The following DNAH10 variants were observed in gnomAD, a reference collection of about 807,000 sequenced individuals.
The protein encoded by DNAH10 is axonemal beta dynein heavy chain 10.
DNAH10 carries 348 observed loss-of-function variants against 506.6 expected under a neutral mutation model. That is an observed-to-expected ratio of 0.69 (90% CI 0.63 to 0.75). DNAH10 has a LOEUF of 0.75. DNAH10 is among the 30% of genes least tolerant of loss of function. The probability of loss-of-function intolerance (pLI) is 0.00; values close to 1 mark genes in which losing one functional copy is unlikely to be tolerated. For missense variants in DNAH10, 5,179 were observed against 5,787.1 expected (o/e 0.89, Z 3.41); for synonymous variants, 2,059 against 2,198.6 (o/e 0.94, Z 1.78).
chr12:123,933,833 C>A (rs1319437308), intron 77 of DNAH10, among the ~76,000 whole-genome samples: 1 of 152,218 alleles, frequency 6.6e-6, no homozygotes, highest in East Asian at 1.9e-4. Flanking sequence ...CATCAGGTGG[C>A]TTTCTTGTAA....
At chr12:123,927,172 T>G in intron 69 of DNAH10, 1 of 247,614 alleles carries the variant, frequency 4.0e-6, no homozygotes. Flanking sequence ...GCCTCCCCAG[T>G]AGCAGCTGAG....
chr12:123,921,993 A>T (rs1175384947), intron 65 of DNAH10, among the ~76,000 whole-genome samples: 1 of 151,776 alleles, frequency 6.6e-6, no homozygotes, highest in Non-Finnish European at 1.5e-5. Flanking sequence ...AGGATTACAG[A>T]TGTGAGCCAC....
chr12:123,922,713 G>A (rs1954782074), intron 65 of DNAH10, among the ~76,000 whole-genome samples: 1 of 152,188 alleles, frequency 6.6e-6, no homozygotes, highest in South Asian at 2.1e-4. Context: ...GTAGGAGGCT[G>A]TCTTCCTGCT....
At chr12:123,825,890 G>A (rs1017715043) in intron 24 of DNAH10, among the ~76,000 whole-genome samples, 7 of 152,164 alleles carry the variant, frequency 4.6e-5, no homozygotes, top group Non-Finnish European at 8.8e-5. Context: ...GGAGGCTAAG[G>A]CAGGAGGATT....
intron 62 of DNAH10, among the ~76,000 whole-genome samples, chr12:123,915,541 C>T (rs1954438346): frequency 7.2e-6 from 1 of 139,076 alleles, no homozygotes; most frequent in Non-Finnish European, 1.5e-5. Context: ...TTCTCCCTCC[C>T]CGAGCCCCTG....
chr12:123,851,152 C>A (rs138739907), intron 35 of DNAH10, 76 bp downstream of exon 35: 66 of 1,444,140 alleles, frequency 4.6e-5, no homozygotes, highest in Middle Eastern at 1.9e-4. Context: ...GGACCTAGGA[C>A]GCGTTAGCTC....
At chr12:123,814,162 C>CT (rs927474767) in intron 21 of DNAH10, 72 of 323,828 alleles carry the variant, frequency 2.2e-4, no homozygotes, top group East Asian at 3.3e-4. Context: ...TTCTTTTCTT[C>CT]TTTTTTTTGT....
At chr12:123,869,335 G>A (rs142505961) in intron 43 of DNAH10, among the ~76,000 whole-genome samples, 70 of 151,972 alleles carry the variant, frequency 4.6e-4, no homozygotes, top group Admixed American at 1.5e-3. Flanking sequence ...TGAGACCTCC[G>A]CATGCCTTGC....
In DNAH10 at chr12:123,897,884, G is replaced by T. The variant is rs764680665; in HGVS notation, c.9395G>T (p.Ser3132Ile). 1 of 1,611,110 alleles carries T rather than the reference G, an allele frequency of 6.2e-7. No homozygotes were observed. The highest frequency in any genetic ancestry group is 8.5e-7 in the Non-Finnish European group (1 of 1,179,248). Residue 3132 changes from serine (S) to isoleucine (I), a missense_variant, in exon 55 of 79, where the codon AGC (serine) becomes ATC (isoleucine). Ser to Ile is a moderately radical substitution (Grantham distance 142, BLOSUM62 -2). Coordinates refer to ENST00000673944, the MANE Select transcript of DNAH10 (RefSeq NM_001372106.1). ...CAGTTTCTACAGAAATTGAGGCGCA[G>T]CAACTATGTCACTCCCAAGAACTAC... ...SQQFLQKLRR[S>I]NYVTPKNYLD... is the part of the protein sequence containing the mutation.
rs75558206 is a variant in DNAH10, at chr12:123,903,122, C to T, written c.9815+9C>T. Reference sequence around the variant, plus strand: ...GACGTGACTGAGATTAGGTAATGCACCTGAGCCACCATTCTGGGCTTCCAT... The same window carrying T: ...GACGTGACTGAGATTAGGTAATGCATCTGAGCCACCATTCTGGGCTTCCAT... On this transcript the variant is annotated intron_variant, in intron 57 of 78. Coordinates refer to ENST00000673944, the MANE Select transcript of DNAH10 (RefSeq NM_001372106.1). The surrounding 1 kb of genome is among the most constrained non-coding windows in gnomAD (Gnocchi z 4.6). The T allele has an allele frequency of 0.042, 66,896 of 1,600,364 alleles. 4,711 individuals carry two copies. The highest frequency in any genetic ancestry group is 0.32 in the African/African-American group (23,852 of 74,572).
chr12:123,901,691 C>T lies in DNAH10; in HGVS notation c.9641-1248C>T, dbSNP rs185256311. On this transcript the variant is annotated intron_variant, in intron 56 of 78. Coordinates refer to ENST00000673944, the MANE Select transcript of DNAH10 (RefSeq NM_001372106.1). ...AATTTATTTTTTTGAGACAGAGTCT[C>T]GCTCTGTCACCTAGGCTGGAGTGCA... 7.0e-3 allele frequency among the ~76,000 whole-genome samples: 1,073 copies of T among 152,244 alleles called. 13 individuals carry two copies. Among genetic ancestry groups the T allele is most frequent in the African/African-American group, 0.025 (1,039 of 41,556 alleles).
At position 123,819,238 on chromosome 12, in the gene DNAH10, G is replaced by T; in HGVS notation, c.3988G>T (p.Asp1330Tyr). ...TGAAGGCCCTGGTTCTGTTGGTGAT[G>T]ATCTTGATAAAGGTAAGAATGTTCC... ...YSEGPGSVGD[D>Y]LDKGVELLGV... The change falls in exon 23 of 79, where the codon GAT becomes TAT. Residue 1330 changes from aspartate (D) to tyrosine (Y), a missense_variant. Physicochemically the swap from Asp to Tyr is radical, Grantham distance 160. Around this residue, in one of 3 missense-constraint regions of DNAH10, gnomAD observed 4,844 missense variants for 5,430.5 expected, o/e 0.89. Coordinates refer to ENST00000673944, the MANE Select transcript of DNAH10 (RefSeq NM_001372106.1). The T allele has an allele frequency of 3.1e-6, 5 of 1,612,060 alleles. No homozygotes were observed. The highest frequency in any genetic ancestry group is 3.4e-6 in the Non-Finnish European group (4 of 1,178,980).
chr12:123,866,122 A>AGTT, intron 41 of DNAH10, 49 bp downstream of exon 41: 2 of 1,408,462 alleles, frequency 1.4e-6, no homozygotes, highest in Non-Finnish European at 1.9e-6. Flanking sequence ...ATTGATGGCT[A>AGTT]GTTGGATAAC....
At chr12:123,775,391 G>A (rs896880844) in intron 5 of DNAH10, among the ~76,000 whole-genome samples, 1 of 152,166 alleles carries the variant, frequency 6.6e-6, no homozygotes, top group African/African-American at 2.4e-5. Context: ...TTACAGGCAT[G>A]AGCCACCATG....
rs781602677 is a variant in DNAH10, at chr12:123,867,502, G to A, written c.7203G>A (p.Lys2401=). Residue 2401 remains lysine (K), a synonymous_variant, in exon 42 of 79, where the codon AAG becomes AAA. Coordinates refer to ENST00000673944, the MANE Select transcript of DNAH10 (RefSeq NM_001372106.1). ...ACAATTTGAATAGTCTCTTTGAGAA[G>A]TATGTGCCCTATCTCATGGATGTGA... The part of the protein sequence containing the change: ...EQYNLNSLFE[K]YVPYLMDVIV... 6.2e-7 allele frequency: 1 copy of A among 1,613,930 alleles called. No individual in the cohort carries two copies. The highest frequency in any genetic ancestry group is 8.5e-7 in the Non-Finnish European group (1 of 1,179,854).
At chr12:123,854,393 C>T (rs368582374) in intron 36 of DNAH10, among the ~76,000 whole-genome samples, 4 of 152,124 alleles carry the variant, frequency 2.6e-5, no homozygotes, top group East Asian at 1.9e-4. Context: ...AGAGTGAGGC[C>T]GTTTGCAGCA....
At chr12:123,819,773 C>A (rs1464578502) in intron 23 of DNAH10, among the ~76,000 whole-genome samples, 2 of 144,596 alleles carry the variant, frequency 1.4e-5, no homozygotes, top group African/African-American at 5.2e-5. Context: ...GGCACAATCT[C>A]AGCTCACCGC....
intron 24 of DNAH10, among the ~76,000 whole-genome samples, chr12:123,823,643 G>A (rs1416708493): frequency 6.6e-6 from 1 of 152,156 alleles, no homozygotes; most frequent in Non-Finnish European, 1.5e-5. Context: ...GTTCATAGTA[G>A]GTGTCTATAT....
intron 15 of DNAH10, 87 bp downstream of exon 15, chr12:123,800,475 A>G: frequency 3.3e-6 from 4 of 1,229,568 alleles, no homozygotes; most frequent in Non-Finnish European, 4.5e-6. Context: ...GGACCCCTCC[A>G]AAAGCTTTCA....
Sources: allele counts gnomAD v4.1 joint callset (sites outside exome capture counted in the v4.1 genomes callset), GRCh38; gene constraint gnomAD v4.1.1; regional missense constraint gnomAD v4.1.1; non-coding constraint Gnocchi (gnomAD v3.1); transcripts MANE v1.5; gene names NCBI Gene and HGNC (gene_info 2026-07-23, HGNC 2026-07-21).